Variants in NELL1 observed in about 807,000 individuals in gnomAD.
NELL1 encodes the protein neural EGFL like 1, also known as protein kinase C-binding protein NELL1.
Under a neutral mutation model 107.4 loss-of-function variants are expected in NELL1, and 76 were observed. The ratio of observed to expected loss-of-function variants is 0.71; its 90% CI spans 0.59 to 0.86. The LOEUF is 0.86. NELL1 is among the 40% of genes least tolerant of loss of function. NELL1 has a pLI of 0.00. For missense variants in NELL1, 1,024 were observed against 1,005.5 expected (o/e 1.02, Z -0.25); for synonymous variants, 353 against 341.2 (o/e 1.03, Z -0.38).
chr11:21,503,387 C>T (rs193111578), intron 15 of NELL1, among the ~76,000 whole-genome samples: 221 of 152,172 alleles, frequency 1.5e-3, no homozygotes, highest in Non-Finnish European at 2.0e-3. Context: ...TGTTAAGACG[C>T]GCTAGGACAA....
chr11:20,894,692 T>C (rs1849687641), intron 5 of NELL1, among the ~76,000 whole-genome samples: 1 of 152,190 alleles, frequency 6.6e-6, no homozygotes, highest in Non-Finnish European at 1.5e-5. Flanking sequence ...ATTTAAGTAC[T>C]AAGGAAAGCT....
chr11:21,440,804 A>G (rs1366739097), intron 15 of NELL1, among the ~76,000 whole-genome samples: 1 of 152,248 alleles, frequency 6.6e-6, no homozygotes, highest in Non-Finnish European at 1.5e-5. Flanking sequence ...GTAGGAACAA[A>G]GATATTAATT....
chr11:21,420,678 C>T (rs1211803402), intron 15 of NELL1, among the ~76,000 whole-genome samples: 4 of 152,064 alleles, frequency 2.6e-5, no homozygotes, highest in Non-Finnish European at 5.9e-5. Context: ...CTACATCTTC[C>T]CTGTCATCAG....
intron 15 of NELL1, among the ~76,000 whole-genome samples, chr11:21,498,969 T>C (rs1855063979): frequency 6.6e-6 from 1 of 152,130 alleles, no homozygotes; most frequent in Non-Finnish European, 1.5e-5. Context: ...ATATTTATAC[T>C]GTATCATTCA....
At chr11:21,485,122 A>G (rs1364956802) in intron 15 of NELL1, among the ~76,000 whole-genome samples, 1 of 152,104 alleles carries the variant, frequency 6.6e-6, no homozygotes, top group East Asian at 1.9e-4. Flanking sequence ...CAGCCTTGAG[A>G]CTAATATAGG....
rs569105071 is a variant in NELL1 at position 21,392,875 on chromosome 11, A to C, written c.1645+21927A>C. Among the ~76,000 whole-genome samples the C allele has an allele frequency of 8.6e-5, 13 of 151,930 alleles. No individual in the cohort carries two copies. The South Asian group carries it at 2.5e-3, about 29-fold the overall frequency. On this transcript the variant is annotated intron_variant, in intron 15 of 19. Transcript: ENST00000357134. Reference sequence around the variant, plus strand: ...GGAAGTAGAGTATTTATCTAATTTCAAAGACCAATAGAGCATTATTTAAGA... The same window carrying C: ...GGAAGTAGAGTATTTATCTAATTTCCAAGACCAATAGAGCATTATTTAAGA...
In NELL1 at chr11:21,036,353, C is replaced by T. The variant is rs114250872; in HGVS notation, c.1300+75793C>T. 4.0e-3 allele frequency among the ~76,000 whole-genome samples: 609 copies of T among 152,184 alleles called. 1 individual carries two copies. The highest frequency in any genetic ancestry group is 0.014 in the African/African-American group (562 of 41,532). ...AGTGCTACTCCTATCAAACTACCAA[C>T]GACATCCTTCACAGAGCTAGAGAAA... On this transcript the variant is annotated intron_variant, in intron 12 of 19. Transcript: ENST00000357134.
intron 12 of NELL1, among the ~76,000 whole-genome samples, chr11:21,023,818 TGG>T (rs1469993802): frequency 6.6e-6 from 1 of 152,124 alleles, no homozygotes; most frequent in Non-Finnish European, 1.5e-5. Context: ...TCTTTCATTT[TGG>T]GGAAAACAAA....
intron 2 of NELL1, among the ~76,000 whole-genome samples, chr11:20,772,414 T>G (rs1856658398): frequency 6.6e-6 from 1 of 152,214 alleles, no homozygotes; most frequent in South Asian, 2.1e-4. Context: ...TCACTTATTT[T>G]CTATAAACCA....
chr11:21,294,440 T>C (rs1028743108), intron 14 of NELL1, among the ~76,000 whole-genome samples: 7 of 152,132 alleles, frequency 4.6e-5, no homozygotes, highest in African/African-American at 1.7e-4. Context: ...ATCAACATTC[T>C]GGACCTTGTA....
At chr11:21,206,229 G>A (rs1857386851) in intron 13 of NELL1, among the ~76,000 whole-genome samples, 2 of 152,072 alleles carry the variant, frequency 1.3e-5, no homozygotes, top group Admixed American at 6.6e-5. Flanking sequence ...TCCACCTTCT[G>A]GTGGCTCCTG....
intron 4 of NELL1, among the ~76,000 whole-genome samples, chr11:20,879,546 C>T (rs1309351477): frequency 2.6e-5 from 4 of 152,028 alleles, no homozygotes; most frequent in Non-Finnish European, 4.4e-5. Flanking sequence ...TAGTGTGCTG[C>T]CGTATTTTAC....
chr11:21,042,672 A>G (rs144028743), intron 12 of NELL1, among the ~76,000 whole-genome samples: 2 of 151,194 alleles, frequency 1.3e-5, no homozygotes, highest in African/African-American at 2.4e-5. Context: ...CCTTCTTGTC[A>G]TCTCTTGGTG....
rs371072826 is a variant in NELL1, at chr11:21,271,497, A to C, written c.1549+42043A>C. Among the ~76,000 whole-genome samples, 27 of 152,346 alleles carry C rather than the reference A, an allele frequency of 1.8e-4. No homozygotes were observed. In the East Asian group the frequency reaches 4.6e-3, roughly 26 times the overall value. ...GAACCAATAATTAATAACAGTTTCA[A>C]ACAGAAGCACCAGGCCCAGATGGGT... On this transcript the variant is annotated intron_variant, in intron 14 of 19. Transcript: ENST00000357134.
intron 15 of NELL1, among the ~76,000 whole-genome samples, chr11:21,402,818 T>C (rs1852131271): frequency 6.6e-6 from 1 of 151,718 alleles, no homozygotes; most frequent in Non-Finnish European, 1.5e-5. Flanking sequence ...ATTAGGAGCA[T>C]ATGAAGCCTA....
intron 15 of NELL1, among the ~76,000 whole-genome samples, chr11:21,425,234 G>T (rs1038767173): frequency 6.6e-6 from 1 of 151,818 alleles, no homozygotes; most frequent in African/African-American, 2.4e-5. Context: ...TTTTGTTGCA[G>T]AAAGAAAAGC....
chr11:21,366,948 G>A (rs1048758434), intron 14 of NELL1, among the ~76,000 whole-genome samples: 1 of 151,654 alleles, frequency 6.6e-6, no homozygotes, highest in Non-Finnish European at 1.5e-5. Flanking sequence ...GTTGAATTGA[G>A]TACATGGTGA....
chr11:21,305,236 A>G (rs1590821056), intron 14 of NELL1, among the ~76,000 whole-genome samples: 3 of 152,184 alleles, frequency 2.0e-5, no homozygotes, highest in Non-Finnish European at 4.4e-5. Context: ...AAGAGCCATC[A>G]AAGAAATAAG....
At chr11:21,211,359 G>A (rs532072836) in intron 13 of NELL1, among the ~76,000 whole-genome samples, 1 of 152,262 alleles carries the variant, frequency 6.6e-6, no homozygotes, top group Admixed American at 6.5e-5. Context: ...CAAAGCCATT[G>A]TGCTTGCAGC....
Sources: gnomAD v4.1 joint callset for allele counts (sites outside exome capture counted in the v4.1 genomes callset) on GRCh38, gnomAD v4.1.1 for gene constraint, MANE v1.5 for transcripts, NCBI Gene and HGNC (gene_info 2026-07-23, HGNC 2026-07-21) for gene names.